CCT6A: variants seen among roughly 807,000 people sequenced by gnomAD.
The protein encoded by CCT6A is chaperonin containing TCP1 subunit 6A.
In CCT6A, 6 loss-of-function variants were observed where a neutral mutation model predicts 58.6. That is an observed-to-expected ratio of 0.10 (90% CI 0.06 to 0.20). The LOEUF (loss-of-function observed/expected upper bound fraction) is 0.20. Ranked by LOEUF, CCT6A falls within the 10% of genes least tolerant of loss-of-function variation. CCT6A has a pLI of 1.00. For missense variants in CCT6A, 516 were observed against 648.8 expected (o/e 0.80, Z 2.22); for synonymous variants, 245 against 227.8 (o/e 1.08, Z -0.68).
chr7:56,058,785 T>C (rs1794368623), intron 8 of CCT6A, 83 bp downstream of exon 8: 1 of 837,952 alleles, frequency 1.2e-6, no homozygotes, highest in Non-Finnish European at 2.0e-6. Context: ...TTTGGGTTTT[T>C]CAACTGTATA....
Position 56,058,651 on chromosome 7 carries a change from C to T in CCT6A, c.917C>T (p.Ser306Leu). 1 of 1,606,692 alleles carries T rather than the reference C, an allele frequency of 6.2e-7. No individual in the cohort carries two copies. Among genetic ancestry groups the T allele is most frequent in the Non-Finnish European group, 8.5e-7 (1 of 1,173,810 alleles). The change falls in exon 8 of 14, where the codon TCA becomes TTA. Residue 306 changes from serine to leucine, a missense_variant. Coordinates refer to ENST00000275603, the MANE Select transcript of CCT6A (RefSeq NM_001762.4). ...GACCCCTTTTCCTTAGATGCTCTTT[C>T]AAAAGAAGGCATAGTTGCTCTGCGC... Reference protein sequence around the residue: ...GIDPFSLDALSKEGIVALRRA... With the variant: ...GIDPFSLDALLKEGIVALRRA...
At chr7:56,055,561 C>CT in intron 3 of CCT6A, 63 bp from the exon 4 acceptor site, 2 of 1,380,166 alleles carry the variant, frequency 1.4e-6, no homozygotes, top group Non-Finnish European at 1.0e-6. Context: ...ATTACCTGAA[C>CT]TTTATCATGA....
intron 1 of CCT6A, 61 bp downstream of exon 1, chr7:56,052,046 G>T (rs1178245013): frequency 1.5e-6 from 2 of 1,312,874 alleles, no homozygotes; most frequent in South Asian, 4.5e-5. Context: ...CTCCTGGCGG[G>T]CCCGGGACCG....
At chr7:56,056,152 C>T (rs1371929056) in intron 4 of CCT6A, among the ~76,000 whole-genome samples, 159 bp from the exon 5 acceptor site, 1 of 152,142 alleles carries the variant, frequency 6.6e-6, no homozygotes, top group Non-Finnish European at 1.5e-5. Flanking sequence ...ATGACTTCAG[C>T]TGTTGCCTTT....
intron 4 of CCT6A, 81 bp from the exon 5 acceptor site, chr7:56,056,230 T>G: frequency 1.3e-6 from 1 of 789,078 alleles, no homozygotes; most frequent in East Asian, 2.4e-5. Flanking sequence ...AAAATGAAAC[T>G]GCCTACTTTA....
chr7:56,059,914 C>T (rs1443034803), intron 9 of CCT6A: 2 of 404,912 alleles, frequency 4.9e-6, no homozygotes, highest in African/African-American at 2.0e-5. Context: ...GTTGCCCAGG[C>T]TGGTCTTAAA....
Position 56,055,335 on chromosome 7 carries a change from A to G in CCT6A, c.337-289A>G, listed in dbSNP as rs1345446150. On this transcript the variant is annotated intron_variant, in intron 3 of 13. Transcript: ENST00000275603. ...TACCATCTGTGAGTTGTTGGGACACAGTGTTGGTTTTGAAATGATTCAGAG... is the reference window on the plus strand; with the variant it reads ...TACCATCTGTGAGTTGTTGGGACACGGTGTTGGTTTTGAAATGATTCAGAG... The G allele has an allele frequency of 1.2e-5, 5 of 431,354 alleles. No individual in the cohort carries two copies. The East Asian group carries it at 2.2e-4, about 19-fold the overall frequency. The allele number at this position is 431,354 out of a possible 1,614,324, so 26.7% of individuals were successfully genotyped here. A position where few individuals can be genotyped will look rare whatever the true frequency, so the allele number is the denominator to read the frequency against.
chr7:56,056,854 T>C (rs1056899772), intron 5 of CCT6A, among the ~76,000 whole-genome samples: 2 of 150,520 alleles, frequency 1.3e-5, no homozygotes, highest in African/African-American at 4.9e-5. Flanking sequence ...GAGTGTACAG[T>C]GGCATGATCT....
At chr7:56,057,882 A>T (rs548992663) in intron 5 of CCT6A, 111 bp from the exon 6 acceptor site, 1 of 682,856 alleles carries the variant, frequency 1.5e-6, no homozygotes, top group East Asian at 2.7e-5. Flanking sequence ...CTTCATCTCA[A>T]AAAAGAAAAA....
intron 8 of CCT6A, 89 bp downstream of exon 8, chr7:56,058,791 G>A (rs558717377): frequency 5.0e-6 from 4 of 794,652 alleles, no homozygotes; most frequent in African/African-American, 1.7e-5. Context: ...TTTTTCAACT[G>A]TATAGTTAAT....
chr7:56,055,431 T>A, intron 3 of CCT6A, 193 bp from the exon 4 acceptor site: 1 of 677,740 alleles, frequency 1.5e-6, no homozygotes, highest in Non-Finnish European at 2.6e-6. Context: ...AGAGCATTCA[T>A]TACCTGTTCA....
At chr7:56,052,025 G>T in intron 1 of CCT6A, 40 bp downstream of exon 1, 3 of 1,389,128 alleles carry the variant, frequency 2.2e-6, no homozygotes, top group Non-Finnish European at 2.8e-6. Flanking sequence ...CGGGCACCGC[G>T]CGCCGCCGCG....
At position 56,060,668 on chromosome 7, in the gene CCT6A, TCTC is replaced by T. The variant is rs1225843825; in HGVS notation, c.1214-136_1214-134del. On this transcript the variant is annotated intron_variant, in intron 10 of 13. Transcript: ENST00000275603. ...AGTGAAGCCATTCTGGTTGAACCAT[TCTC>T]CTATTTGGTATGTTAGTCACTTGTA... 10 of 1,165,058 alleles carry T rather than the reference TCTC, an allele frequency of 8.6e-6. No homozygotes were observed. The African/African-American group carries it at 1.2e-4, about 14-fold the overall frequency. 72.2% of individuals were successfully genotyped at this position (1,165,058 alleles called of 1,614,324 possible). A position where few individuals can be genotyped will look rare whatever the true frequency, so the allele number is the denominator to read the frequency against.
Position 56,063,071 on chromosome 7 carries a change from TCTC to T in CCT6A, c.1583_1585del (p.Ser528del). The T allele has an allele frequency of 3.1e-6, 5 of 1,608,736 alleles. No individual in the cohort carries two copies. Among genetic ancestry groups the T allele is most frequent in the Non-Finnish European group, 4.3e-6 (5 of 1,175,118 alleles). ...TGAGATCATGCGAGCTGGAATGTCTTCTCTGAAAGGTTGAATTGAAGCTTCCTC... is the reference window on the plus strand; with the variant it reads ...TGAGATCATGCGAGCTGGAATGTCTTTGAAAGGTTGAATTGAAGCTTCCTC... On this transcript the variant is annotated inframe_deletion, in exon 14 of 14. Transcript: ENST00000275603.
At chr7:56,052,250 G>C (rs1034476412) in intron 1 of CCT6A, among the ~76,000 whole-genome samples, 172 bp from the exon 2 acceptor site, 3 of 152,344 alleles carry the variant, frequency 2.0e-5, no homozygotes, top group African/African-American at 7.2e-5. Context: ...CTGAGGACTC[G>C]GCACAATCTC....
At chr7:56,053,916 G>C (rs766615662) in intron 2 of CCT6A, among the ~76,000 whole-genome samples, 1 of 152,104 alleles carries the variant, frequency 6.6e-6, no homozygotes, top group Non-Finnish European at 1.5e-5. Context: ...CAGAAGTCTC[G>C]TCCCATTGGA....
At chr7:56,057,640 G>T (rs1794338067) in intron 5 of CCT6A, among the ~76,000 whole-genome samples, 1 of 152,162 alleles carries the variant, frequency 6.6e-6, no homozygotes, top group African/African-American at 2.4e-5. Flanking sequence ...CAGCACTTTG[G>T]GAGGCCAAGG....
At chr7:56,055,189 G>A (rs541441442) in intron 3 of CCT6A, among the ~76,000 whole-genome samples, 12 of 152,284 alleles carry the variant, frequency 7.9e-5, no homozygotes, top group African/African-American at 2.6e-4. Context: ...CAGGAGAATT[G>A]CTTGAACCCA....
At chr7:56,059,736 T>G in intron 9 of CCT6A, 96 bp downstream of exon 9, 4 of 651,454 alleles carry the variant, frequency 6.1e-6, no homozygotes, top group Non-Finnish European at 8.4e-6. Flanking sequence ...CTGCCCGGGC[T>G]GGAGTGCAGT....
Sources: gnomAD v4.1 joint callset for allele counts (sites outside exome capture counted in the v4.1 genomes callset) on GRCh38, gnomAD v4.1.1 for gene constraint, MANE v1.5 for transcripts, NCBI Gene and HGNC (gene_info 2026-07-23, HGNC 2026-07-21) for gene names.